URAD: variants seen among roughly 807,000 people sequenced by gnomAD.
URAD encodes putative 2-oxo-4-hydroxy-4-carboxy-5-ureidoimidazoline decarboxylase.
URAD carries 4 observed loss-of-function variants against 4.6 expected under a neutral mutation model. The observed-to-expected ratio is 0.87, with a 90% CI of 0.43 to 1.98. URAD has a LOEUF of 1.98. URAD is among the 30% of genes most tolerant of loss of function. The probability of loss-of-function intolerance (pLI) is 0.03; values close to 1 mark genes in which losing one functional copy is unlikely to be tolerated. For synonymous variants in URAD, 144 were observed against 118.2 expected (o/e 1.22, Z -1.41); for missense variants, 300 against 255.3 (o/e 1.18, Z -1.19).
chr13:27,980,579 C>A (rs968756819), intron 1 of URAD, among the ~76,000 whole-genome samples: 1 of 152,318 alleles, frequency 6.6e-6, no homozygotes, highest in Admixed American at 6.5e-5. Flanking sequence ...TCAGAGCAGC[C>A]GCTAGGTCCC....
At position 27,988,633 on chromosome 13, in the gene URAD, T is replaced by G; in HGVS notation, c.5A>C (p.Asp2Ala). The change falls in exon 1 of 2, where the codon GAC becomes GCC. Residue 2 changes from aspartate to alanine, a missense_variant. Coordinates refer to ENST00000332715, the MANE Select transcript of URAD (RefSeq NM_001105577.2). The stretch of plus-strand genomic sequence containing the variant: ...GTCCATGGAGTTGACCTTCTCAATG[T>G]CCATTCCTTGTATTCCACTGGAGAC... M[D>A]IEKVNSMDLG... 1 of 1,601,376 alleles carries G rather than the reference T, an allele frequency of 6.2e-7. No individual in the cohort carries two copies. The highest frequency in any genetic ancestry group is 8.5e-7 in the Non-Finnish European group (1 of 1,173,422).
chr13:27,982,225 T>A (rs1009007786), intron 1 of URAD, among the ~76,000 whole-genome samples: 12 of 152,160 alleles, frequency 7.9e-5, no homozygotes, highest in Non-Finnish European at 1.8e-4. Flanking sequence ...GGTCAGGAGT[T>A]CGAGACCAGC....
At chr13:27,978,474 G>T in intron 1 of URAD, 22 bp from the exon 2 acceptor site, 6 of 1,305,076 alleles carry the variant, frequency 4.6e-6, no homozygotes, top group South Asian at 2.3e-5. Context: ...CACAGACACC[G>T]GCGGGAGCGC....
chr13:27,978,896 T>C (rs1869801140), intron 1 of URAD, among the ~76,000 whole-genome samples: 1 of 151,980 alleles, frequency 6.6e-6, no homozygotes, highest in Admixed American at 6.6e-5. Flanking sequence ...GGGGCTTTGA[T>C]GTCTAAAGGG....
intron 1 of URAD, among the ~76,000 whole-genome samples, chr13:27,983,106 T>C (rs1869921447): frequency 6.6e-6 from 1 of 152,202 alleles, no homozygotes; most frequent in South Asian, 2.1e-4. Flanking sequence ...TAAGCAGCTT[T>C]ACATGATCAG....
chr13:27,986,504 A>G (rs1870032051), intron 1 of URAD, among the ~76,000 whole-genome samples: 1 of 151,488 alleles, frequency 6.6e-6, no homozygotes. Context: ...GTGAGCAATA[A>G]GATGAAAATG....
In URAD at chr13:27,980,096, C is replaced by G. The variant is rs1869831392; in HGVS notation, c.176-1644G>C. Among the ~76,000 whole-genome samples, 5 of 152,178 alleles carry G rather than the reference C, an allele frequency of 3.3e-5. No individual in the cohort carries two copies. The South Asian group carries it at 1.0e-3, about 31-fold the overall frequency. On this transcript the variant is annotated intron_variant, in intron 1 of 1. Transcript: ENST00000332715. ...TTTTTTGTGTGTTTTTTCAAGACAG[C>G]TCTGTCGCCCGGGATGGAGTGCAGT... is the stretch of plus-strand genomic sequence containing the variant.
At chr13:27,981,612 A>G (rs1027785955) in intron 1 of URAD, among the ~76,000 whole-genome samples, 1 of 152,158 alleles carries the variant, frequency 6.6e-6, no homozygotes, top group African/African-American at 2.4e-5. Flanking sequence ...AATTGTGGCC[A>G]TGGAAGCTCA....
At chr13:27,985,366 G>A (rs1329214721) in intron 1 of URAD, among the ~76,000 whole-genome samples, 1 of 152,128 alleles carries the variant, frequency 6.6e-6, no homozygotes, top group African/African-American at 2.4e-5. Flanking sequence ...GCTAAGGCAG[G>A]AGAATCGCTT....
rs1188137081 is a variant in URAD at position 27,978,350 on chromosome 13, A to C, written c.278T>G (p.Leu93Arg). 1 of 1,393,066 alleles carries C rather than the reference A, an allele frequency of 7.2e-7. No individual in the cohort carries two copies. Among genetic ancestry groups the C allele is most frequent in the East Asian group, 3.1e-5 (1 of 32,410 alleles). 86.3% of individuals were successfully genotyped at this position (1,393,066 alleles called of 1,614,324 possible). A position where few individuals can be genotyped will look rare whatever the true frequency, so the allele number is the denominator to read the frequency against. The change falls in exon 2 of 2, where the codon CTG becomes CGG. Residue 93 changes from leucine to arginine, a missense_variant. By Grantham distance (102) the Leu-to-Arg change is moderately radical. Coordinates refer to ENST00000332715, the MANE Select transcript of URAD (RefSeq NM_001105577.2). ...CCGCTCGTCCGCGCCCAGGCTCCTC[A>C]GGCCTGCGCCGCTCTGTTCCCGCTG... ...ESQREQSGAG[L>R]RSLGADERLR...
intron 1 of URAD, among the ~76,000 whole-genome samples, chr13:27,987,151 C>T (rs1818364484): frequency 6.6e-6 from 1 of 152,210 alleles, no homozygotes; most frequent in Non-Finnish European, 1.5e-5. Context: ...TAGGCGGCAT[C>T]GTCTGTTGGC....
intron 1 of URAD, among the ~76,000 whole-genome samples, 200 bp downstream of exon 1, chr13:27,988,263 A>G (rs971615295): frequency 2.0e-5 from 3 of 151,804 alleles, no homozygotes; most frequent in Non-Finnish European, 4.4e-5. Flanking sequence ...CCCGGCCTAA[A>G]AGCAATTTTT....
chr13:27,978,327 G>T lies in URAD; in HGVS notation c.301C>A (p.Arg101=). ...AGLRSLGADE[R]LRLAELNAQY... Reference sequence around the variant, plus strand: ...GCGTTGAGCTCGGCCAGCCGCAGCCGCTCGTCCGCGCCCAGGCTCCTCAGG... The same window carrying T: ...GCGTTGAGCTCGGCCAGCCGCAGCCTCTCGTCCGCGCCCAGGCTCCTCAGG... Residue 101 remains arginine, a synonymous_variant, in exon 2 of 2, where the codon CGG becomes AGG. Coordinates refer to ENST00000332715, the MANE Select transcript of URAD (RefSeq NM_001105577.2). 2.2e-6 allele frequency: 3 copies of T among 1,393,442 alleles called. No individual in the cohort carries two copies. The highest frequency in any genetic ancestry group is 3.2e-5 in the South Asian group (2 of 62,984). The allele number at this position is 1,393,442 out of a possible 1,614,324, so 86.3% of individuals were successfully genotyped here.
chr13:27,978,120 G>C lies in URAD; in HGVS notation c.508C>G (p.Pro170Ala). Residue 170 changes from proline to alanine, a missense_variant, in exon 2 of 2, where the codon CCC becomes GCC. Physicochemically the swap from Pro to Ala is conservative, Grantham distance 27. Transcript: ENST00000332715. Reference sequence around the variant, plus strand: ...CCGCGCGGCAGCTACAGCTTGGCGGGGTCTGCGCGGAGGAGGTCGGCCAGG... The same window carrying C: ...CCGCGCGGCAGCTACAGCTTGGCGGCGTCTGCGCGGAGGAGGTCGGCCAGG... ...LRLADLLRADPAKL is the reference protein window; with the variant it reads ...LRLADLLRADAAKL 6.6e-7 allele frequency: 1 copy of C among 1,520,884 alleles called. No homozygotes were observed. Among genetic ancestry groups the C allele is most frequent in the Non-Finnish European group, 8.7e-7 (1 of 1,147,882 alleles). The allele number at this position is 1,520,884 out of a possible 1,614,324, so 94.2% of individuals were successfully genotyped here. A position where few individuals can be genotyped will look rare whatever the true frequency, so the allele number is the denominator to read the frequency against.
At chr13:27,985,422 C>G (rs969378633) in intron 1 of URAD, among the ~76,000 whole-genome samples, 1 of 152,164 alleles carries the variant, frequency 6.6e-6, no homozygotes, top group Non-Finnish European at 1.5e-5. Flanking sequence ...GGTGCCACTG[C>G]ACTCTAGCTT....
Position 27,977,934 on chromosome 13 carries a change from G to A in URAD, c.*172C>T. 1 of 548,042 alleles carries A rather than the reference G, an allele frequency of 1.8e-6. No homozygotes were observed. The highest frequency in any genetic ancestry group is 3.0e-6 in the Non-Finnish European group (1 of 332,114). 33.9% of individuals were successfully genotyped at this position (548,042 alleles called of 1,614,324 possible). ...TGGCAACGCGTGCGCGTGTGGGTGG[G>A]CGGACAAAAGGACTCATTACTCGTA... On this transcript the variant is annotated 3_prime_UTR_variant, in exon 2 of 2. Coordinates refer to ENST00000332715, the MANE Select transcript of URAD (RefSeq NM_001105577.2).
At position 27,978,112 on chromosome 13, in the gene URAD, C is replaced by T. The variant is rs1368302945; in HGVS notation, c.516G>A (p.Lys172=). 6.6e-7 allele frequency: 1 copy of T among 1,513,186 alleles called. No individual in the cohort carries two copies. The highest frequency in any genetic ancestry group is 1.3e-5 in the South Asian group (1 of 79,810). 93.7% of individuals were successfully genotyped at this position (1,513,186 alleles called of 1,614,324 possible). A position where few individuals can be genotyped will look rare whatever the true frequency, so the allele number is the denominator to read the frequency against. ...LADLLRADPA[K]L ...TCCCTGGCCCGCGCGGCAGCTACAG[C>T]TTGGCGGGGTCTGCGCGGAGGAGGT... The change falls in exon 2 of 2, where the codon AAG becomes AAA. Residue 172 remains lysine, a synonymous_variant. Coordinates refer to ENST00000332715, the MANE Select transcript of URAD (RefSeq NM_001105577.2).
intron 1 of URAD, among the ~76,000 whole-genome samples, chr13:27,982,644 A>G (rs1238818913): frequency 1.3e-5 from 2 of 152,224 alleles, no homozygotes; most frequent in South Asian, 2.1e-4. Context: ...TCAGTGTTTC[A>G]CCAAGCTCCT....
In URAD at chr13:27,978,458, G is replaced by A; in HGVS notation, c.176-6C>T. The A allele has an allele frequency of 1.5e-6, 2 of 1,320,790 alleles. No individual in the cohort carries two copies. Among genetic ancestry groups the A allele is most frequent in the Non-Finnish European group, 1.9e-6 (2 of 1,040,764 alleles). The allele number at this position is 1,320,790 out of a possible 1,614,324, so 81.8% of individuals were successfully genotyped here. A position where few individuals can be genotyped will look rare whatever the true frequency, so the allele number is the denominator to read the frequency against. On this transcript the variant is annotated splice_polypyrimidine_tract_variant and splice_region_variant and intron_variant, in intron 1 of 1. Transcript: ENST00000332715. ...GCGCAGGATGCCCTCCTGGCCTGCG[G>A]AGAAGCACAGACACCGGCGGGAGCG...
Sources: gnomAD v4.1 joint callset for allele counts (sites outside exome capture counted in the v4.1 genomes callset) on GRCh38, gnomAD v4.1.1 for gene constraint, MANE v1.5 for transcripts, NCBI Gene and HGNC (gene_info 2026-07-23, HGNC 2026-07-21) for gene names.